The following CDRT4 variants were observed in gnomAD, a reference collection of about 807,000 sequenced individuals.
The protein encoded by CDRT4 is CMT1A duplicated region transcript 4 protein.
For synonymous variants in CDRT4, 64 were observed against 69.6 expected, an observed-to-expected ratio of 0.92 and a Z score of 0.40; for missense variants, 167 against 193.1, an observed-to-expected ratio of 0.87 and a Z score of 0.80.
chr17:15,463,011 A>AT (rs1979826625), intron 1 of CDRT4, among the ~76,000 whole-genome samples: 1 of 151,944 alleles, frequency 6.6e-6, no homozygotes, highest in African/African-American at 2.4e-5. Context: ...TGAGCAGGAG[A>AT]TGGGGGTGGG....
rs907784710 is a variant in CDRT4 at position 15,454,271 on chromosome 17, G to A, written c.-129-1186C>T. On this transcript the variant is annotated intron_variant, in intron 1 of 3. Coordinates refer to ENST00000619038, the MANE Select transcript of CDRT4 (RefSeq NM_001204477.2). Reference sequence around the variant, plus strand: ...CCATCTGCTCACCAAAAGGCACTCTGTAGAGCTCATCCCCCAGCCCAGGTG... The same window carrying A: ...CCATCTGCTCACCAAAAGGCACTCTATAGAGCTCATCCCCCAGCCCAGGTG... Among the ~76,000 whole-genome samples, 4 of 152,144 alleles carry A rather than the reference G, an allele frequency of 2.6e-5. No individual in the cohort carries two copies. The East Asian group carries it at 5.8e-4, about 22-fold the overall frequency.
Position 15,440,271 on chromosome 17 carries a change from C to G in CDRT4, c.-33G>C. On this transcript the variant is annotated 5_prime_UTR_variant, in exon 3 of 4. Coordinates refer to ENST00000619038, the MANE Select transcript of CDRT4 (RefSeq NM_001204477.2). ...TTAATATTTACTGATTTCTTAACATCACAGGTTCAGATTCCTATGGGAAAA... is the reference window on the plus strand; with the variant it reads ...TTAATATTTACTGATTTCTTAACATGACAGGTTCAGATTCCTATGGGAAAA... The G allele has an allele frequency of 6.2e-7, 1 of 1,612,382 alleles. No individual in the cohort carries two copies. Among genetic ancestry groups the G allele is most frequent in the Non-Finnish European group, 8.5e-7 (1 of 1,179,958 alleles).
rs1201034324 is a variant in CDRT4 at position 15,437,401 on chromosome 17, C to T, written c.*372G>A. 2 of 273,840 alleles carry T rather than the reference C, an allele frequency of 7.3e-6. No individual in the cohort carries two copies. Among genetic ancestry groups the T allele is most frequent in the African/African-American group, 4.4e-5 (2 of 45,708 alleles). The allele number at this position is 273,840 out of a possible 1,614,324, so 17.0% of individuals were successfully genotyped here. ...TCCATGGATACCTTTGTATTCCCTT[C>T]CTGCCCTTTACTGTCACCTGGTTAA... On this transcript the variant is annotated 3_prime_UTR_variant, in exon 4 of 4. Transcript: ENST00000619038.
At chr17:15,451,239 T>G (rs1276041941) in intron 2 of CDRT4, among the ~76,000 whole-genome samples, 1 of 152,196 alleles carries the variant, frequency 6.6e-6, no homozygotes, top group African/African-American at 2.4e-5. Context: ...TGCTGCCATG[T>G]AAGACGTGCT....
chr17:15,444,315 G>T, intron 2 of CDRT4: 1 of 466,238 alleles, frequency 2.1e-6, no homozygotes, highest in Non-Finnish European at 3.9e-6. Context: ...AAATTAAAAT[G>T]CTTCTAAACC....
At chr17:15,458,598 G>A (rs1979596441) in intron 1 of CDRT4, among the ~76,000 whole-genome samples, 1 of 152,204 alleles carries the variant, frequency 6.6e-6, no homozygotes, top group Non-Finnish European at 1.5e-5. Context: ...CAGCATGACA[G>A]TCTGTCTCAT....
chr17:15,437,871 A>G lies in CDRT4; in HGVS notation c.361T>C (p.Leu121=). 6.2e-7 allele frequency: 1 copy of G among 1,614,132 alleles called. No homozygotes were observed. Among genetic ancestry groups the G allele is most frequent in the Non-Finnish European group, 8.5e-7 (1 of 1,180,030 alleles). ...GGACAGTCTCTGGAATCCGCATGTA[A>G]GTGTGTGGGTTCTGGGATCATGGTA... ...APTMIPEPTH[L]HADSRDCPTE... is the part of the protein sequence containing the mutation. Residue 121 remains leucine (L), a synonymous_variant, in exon 4 of 4, where the codon TTA becomes CTA. Coordinates refer to ENST00000619038, the MANE Select transcript of CDRT4 (RefSeq NM_001204477.2).
intron 2 of CDRT4, among the ~76,000 whole-genome samples, chr17:15,447,394 T>C (rs1979073851): frequency 6.6e-6 from 1 of 152,200 alleles, no homozygotes; most frequent in Non-Finnish European, 1.5e-5. Context: ...TGATGGGCAG[T>C]GGGCATGGTT....
chr17:15,439,160 T>C, intron 3 of CDRT4: 1 of 456,218 alleles, frequency 2.2e-6, no homozygotes, highest in Non-Finnish European at 4.4e-6. Flanking sequence ...TCCTCTGTGT[T>C]CTTATGTGGT....
chr17:15,440,868 C>T (rs1172540075), intron 2 of CDRT4, among the ~76,000 whole-genome samples: 1 of 152,142 alleles, frequency 6.6e-6, no homozygotes, highest in Non-Finnish European at 1.5e-5. Flanking sequence ...CTTGAGGCTG[C>T]ATCCACCTGG....
chr17:15,438,319 G>C (rs1323473000), intron 3 of CDRT4, 119 bp from the exon 4 acceptor site: 11 of 842,108 alleles, frequency 1.3e-5, no homozygotes, highest in Non-Finnish European at 2.0e-5. Context: ...TGCACCCCTT[G>C]TATTCAGTAG....
chr17:15,439,581 A>G (rs931183110), intron 3 of CDRT4, among the ~76,000 whole-genome samples: 1 of 152,222 alleles, frequency 6.6e-6, no homozygotes, highest in Non-Finnish European at 1.5e-5. Flanking sequence ...CGCCTGGAGC[A>G]AAATGAGCAG....
chr17:15,459,996 C>T (rs1979676120), intron 1 of CDRT4, among the ~76,000 whole-genome samples: 1 of 152,102 alleles, frequency 6.6e-6, no homozygotes, highest in Non-Finnish European at 1.5e-5. Context: ...GAGCCCCTGT[C>T]CCAGGCACCC....
At chr17:15,448,959 C>T (rs1277707761) in intron 2 of CDRT4, among the ~76,000 whole-genome samples, 2 of 152,200 alleles carry the variant, frequency 1.3e-5, no homozygotes, top group African/African-American at 4.8e-5. Flanking sequence ...CCAGGTCTTC[C>T]TCTCAGTCTC....
In CDRT4 at chr17:15,438,022, A is replaced by G. The variant is rs768026512; in HGVS notation, c.210T>C (p.Pro70=). Reference sequence around the variant, plus strand: ...TCCTTTTCGGCTGAATGACGCTGGAAGGTTTATTCTGCCTTGATGCCCAGG... The same window carrying G: ...TCCTTTTCGGCTGAATGACGCTGGAGGGTTTATTCTGCCTTGATGCCCAGG... ...ERPWASRQNK[P]SSVIQPKRRK... Residue 70 remains proline, a synonymous_variant, in exon 4 of 4, where the codon CCT becomes CCC. Coordinates refer to ENST00000619038, the MANE Select transcript of CDRT4 (RefSeq NM_001204477.2). 7 of 1,614,168 alleles carry G rather than the reference A, an allele frequency of 4.3e-6. No individual in the cohort carries two copies. Among genetic ancestry groups the G allele is most frequent in the Non-Finnish European group, 5.9e-6 (7 of 1,180,032 alleles).
At chr17:15,443,724 GC>G in intron 2 of CDRT4, 1 of 472,464 alleles carries the variant, frequency 2.1e-6, no homozygotes. Flanking sequence ...ATCGTGAAGG[GC>G]CCCAGAGGGA....
chr17:15,460,096 T>C (rs1979680256), intron 1 of CDRT4, among the ~76,000 whole-genome samples: 1 of 152,102 alleles, frequency 6.6e-6, no homozygotes, highest in African/African-American at 2.4e-5. Context: ...TGCACGCTCT[T>C]ATATCCAATC....
At position 15,450,315 on chromosome 17, in the gene CDRT4, T is replaced by C. The variant is rs1232731016; in HGVS notation, c.-48+2689A>G. ...CATCACTCGTACCAACTCTCCACCATAAGCTCCCCTGCACTATGCCTTCCT... is the reference window on the plus strand; with the variant it reads ...CATCACTCGTACCAACTCTCCACCACAAGCTCCCCTGCACTATGCCTTCCT... On this transcript the variant is annotated intron_variant, in intron 2 of 3. Transcript: ENST00000619038. This position sits in a 1 kb window ranked among gnomAD's most constrained non-coding sequence, Gnocchi z 4.2. Among the ~76,000 whole-genome samples, 1 of 152,126 alleles carries C rather than the reference T, an allele frequency of 6.6e-6. No individual in the cohort carries two copies. The highest frequency in any genetic ancestry group is 1.5e-5 in the Non-Finnish European group (1 of 68,016).
At chr17:15,441,880 A>G (rs910190019) in intron 2 of CDRT4, among the ~76,000 whole-genome samples, 2 of 152,192 alleles carry the variant, frequency 1.3e-5, no homozygotes, top group Non-Finnish European at 2.9e-5. Flanking sequence ...TAGGGAAGAA[A>G]TAATGCTCAA....
Sources: gnomAD v4.1 joint callset for allele counts (sites outside exome capture counted in the v4.1 genomes callset) on GRCh38, gnomAD v4.1.1 for gene constraint, Gnocchi (gnomAD v3.1) non-coding constraint, MANE v1.5 for transcripts, NCBI Gene and HGNC (gene_info 2026-07-23, HGNC 2026-07-21) for gene names.